The following TCF4 variants were observed in gnomAD, a reference collection of about 807,000 sequenced individuals.
TCF4 encodes the protein transcription factor 4, also known as SL3-3 enhancer factor 2.
In TCF4, 3 loss-of-function variants were observed where a neutral mutation model predicts 82.1. The observed-to-expected ratio is 0.04, with a 90% confidence interval of 0.02 to 0.09. TCF4 has a LOEUF of 0.09. TCF4 is among the 10% of genes least tolerant of loss of function. The pLI is 1.00. For missense variants in TCF4, 518 were observed against 852.7 expected, an observed-to-expected ratio of 0.61 and a Z score of 4.89; for synonymous variants, 276 against 309.6, an observed-to-expected ratio of 0.89 and a Z score of 1.14.
Position 55,610,116 on chromosome 18 carries a change from T to C in TCF4, c.286+21182A>G, listed in dbSNP as rs546090432. On this transcript the variant is annotated intron_variant, in intron 2 of 20. Transcript: ENST00000398339. Reference sequence around the variant, plus strand: ...ACTGGCCAAATATTTTTGGAATGAGTGAATGAATAGAACTTGGATCCAGAA... The same window carrying C: ...ACTGGCCAAATATTTTTGGAATGAGCGAATGAATAGAACTTGGATCCAGAA... Among the ~76,000 whole-genome samples the C allele has an allele frequency of 2.1e-3, 326 of 152,178 alleles. 1 individual carries two copies. The highest frequency in any genetic ancestry group is 3.4e-3 in the Middle Eastern group (1 of 292).
intron 5 of TCF4, among the ~76,000 whole-genome samples, chr18:55,437,406 C>T (rs2095352008): frequency 6.6e-6 from 1 of 152,148 alleles, no homozygotes; most frequent in African/African-American, 2.4e-5. Context: ...AGCCCATTCT[C>T]TCTCTCAATG....
At chr18:55,635,761 A>T (rs1306091047) in exon 1 of TCF4, 36 of 1,550,530 alleles carry the variant, frequency 2.3e-5, no homozygotes, top group Non-Finnish European at 2.7e-5. Flanking sequence ...GCATGTTACA[A>T]TGTCCTGAGA....
intron 8 of TCF4, among the ~76,000 whole-genome samples, chr18:55,297,063 G>A (rs1021257147): frequency 2.0e-5 from 3 of 149,218 alleles, no homozygotes; most frequent in Non-Finnish European, 4.4e-5. Context: ...ATATGTTTCT[G>A]ATTTCTTTAC....
intron 5 of TCF4, among the ~76,000 whole-genome samples, chr18:55,439,745 C>T (rs551397581): frequency 1.3e-5 from 2 of 152,244 alleles, no homozygotes; most frequent in South Asian, 2.1e-4. Context: ...TTTTTTGAGA[C>T]GGAGTCTCAC....
chr18:55,451,955 A>C (rs2095632414), intron 5 of TCF4, among the ~76,000 whole-genome samples: 1 of 152,220 alleles, frequency 6.6e-6, no homozygotes, highest in South Asian at 2.1e-4. Flanking sequence ...GCAGTGAGCT[A>C]TAATCATGTC....
intron 17 of TCF4, chr18:55,229,285 T>A (rs555437606): frequency 5.9e-5 from 36 of 609,462 alleles, no homozygotes; most frequent in Non-Finnish European, 9.4e-5. Context: ...CTCGCAGACA[T>A]TAAACCCAAA....
chr18:55,408,535 C>T (rs2094201394), intron 5 of TCF4, among the ~76,000 whole-genome samples: 2 of 152,220 alleles, frequency 1.3e-5, no homozygotes, highest in South Asian at 2.1e-4. Flanking sequence ...AGTCCTTCAT[C>T]GTTTCCATGC....
intron 5 of TCF4, among the ~76,000 whole-genome samples, chr18:55,434,576 C>T (rs926883285): frequency 2.0e-5 from 3 of 151,500 alleles, no homozygotes; most frequent in Admixed American, 6.6e-5. Context: ...CCCGCCACCA[C>T]GCCCGGCTAA....
At chr18:55,510,016 C>T (rs2096807639) in intron 3 of TCF4, among the ~76,000 whole-genome samples, 1 of 152,068 alleles carries the variant, frequency 6.6e-6, no homozygotes. Context: ...GAAAGCAAAA[C>T]CAAAGATTTT....
At chr18:55,429,103 T>C (rs891561658) in intron 5 of TCF4, among the ~76,000 whole-genome samples, 5 of 152,122 alleles carry the variant, frequency 3.3e-5, no homozygotes, top group African/African-American at 4.8e-5. Context: ...AATATATCCA[T>C]AGCAAATATA....
chr18:55,224,215 AT>A lies in TCF4; in HGVS notation c.*3819del, dbSNP rs2046301744. On this transcript the variant is annotated 3_prime_UTR_variant, in exon 20 of 20. Transcript: ENST00000354452. ...CTTAATTGCATCACAAGTAACAAGA[AT>A]GAAAAAGGCCACAGTTCATATATTT... 6.6e-6 allele frequency: 1 copy of A among 151,930 alleles called. No homozygotes were observed. The highest frequency in any genetic ancestry group is 2.1e-4 in the South Asian group (1 of 4,808). 9.4% of individuals were successfully genotyped at this position (151,930 alleles called of 1,614,324 possible). A position where few individuals can be genotyped will look rare whatever the true frequency, so the allele number is the denominator to read the frequency against.
chr18:55,373,853 C>T (rs892121501), intron 6 of TCF4, among the ~76,000 whole-genome samples: 1 of 151,700 alleles, frequency 6.6e-6, no homozygotes, highest in African/African-American at 2.4e-5. Flanking sequence ...AAATAGTATT[C>T]ATTATTTTCA....
intron 8 of TCF4, among the ~76,000 whole-genome samples, chr18:55,290,705 C>T (rs1190035174): frequency 6.6e-6 from 1 of 152,134 alleles, no homozygotes; most frequent in Non-Finnish European, 1.5e-5. Flanking sequence ...AAAAAGCCAT[C>T]ATTCCTAAGT....
intron 8 of TCF4, among the ~76,000 whole-genome samples, chr18:55,298,419 C>T (rs1417380376): frequency 6.6e-6 from 1 of 152,198 alleles, no homozygotes; most frequent in Non-Finnish European, 1.5e-5. Context: ...TGTTAAGTGA[C>T]CCACCATGTT....
intron 4 of TCF4, among the ~76,000 whole-genome samples, chr18:55,463,690 A>T (rs1374020072): frequency 6.6e-6 from 1 of 152,174 alleles, no homozygotes; most frequent in Non-Finnish European, 1.5e-5. Context: ...CCTTATAGGG[A>T]TATTAGGAAT....
At chr18:55,632,795 G>A (rs1320124134) in intron 1 of TCF4, among the ~76,000 whole-genome samples, 1 of 152,236 alleles carries the variant, frequency 6.6e-6, no homozygotes, top group African/African-American at 2.4e-5. Flanking sequence ...GGCCAGAGTT[G>A]TAGTTTATGG....
chr18:55,261,385 TA>T, intron 12 of TCF4, 80 bp downstream of exon 12: 1 of 1,543,870 alleles, frequency 6.5e-7, no homozygotes, highest in South Asian at 1.1e-5. Context: ...ATTCATTTTC[TA>T]AAATTCCAAA....
At chr18:55,394,571 A>G (rs1176790827) in intron 6 of TCF4, among the ~76,000 whole-genome samples, 1 of 152,182 alleles carries the variant, frequency 6.6e-6, no homozygotes, top group African/African-American at 2.4e-5. Context: ...GCCGGGCGAA[A>G]GTCGCTCTCC....
chr18:55,265,317 C>T (rs1288893962), intron 11 of TCF4: 1 of 152,092 alleles, frequency 6.6e-6, no homozygotes, highest in Admixed American at 6.6e-5. Context: ...GTTATTAAAC[C>T]ATTAGAAACA....
Sources: gnomAD v4.1 joint callset for allele counts (sites outside exome capture counted in the v4.1 genomes callset) on GRCh38, gnomAD v4.1.1 for gene constraint, MANE v1.5 for transcripts, NCBI Gene and HGNC (gene_info 2026-07-23, HGNC 2026-07-21) for gene names.